The following CYTIP variants were observed in gnomAD, a reference collection of about 807,000 sequenced individuals.
CYTIP encodes cytohesin 1 interacting protein, also known as cytohesin-interacting protein.
In CYTIP, 26 loss-of-function variants were observed where a neutral mutation model predicts 43.8. The observed-to-expected ratio is 0.59, with a 90% CI of 0.44 to 0.82. The LOEUF (loss-of-function observed/expected upper bound fraction) is 0.82, where lower values mean the gene tolerates loss of function less well. Among genes scored for constraint, CYTIP ranks in the 40% least tolerant of loss-of-function variants. The probability of loss-of-function intolerance (pLI) is 0.00; values close to 1 mark genes in which losing one functional copy is unlikely to be tolerated. For missense variants in CYTIP, 426 were observed against 443.1 expected, an observed-to-expected ratio of 0.96 and a Z score of 0.35; for synonymous variants, 162 against 162.9, an observed-to-expected ratio of 0.99 and a Z score of 0.04.
chr2:157,424,992 G>GA (rs905575819), intron 6 of CYTIP, among the ~76,000 whole-genome samples: 26 of 151,910 alleles, frequency 1.7e-4, no homozygotes, highest in South Asian at 1.0e-3. Flanking sequence ...TATTCATATG[G>GA]AAAAAAATTA....
chr2:157,415,650 G>A lies in CYTIP; in HGVS notation c.*27C>T, dbSNP rs1685427582. On this transcript the variant is annotated 3_prime_UTR_variant, in exon 8 of 8. Coordinates refer to ENST00000264192, the MANE Select transcript of CYTIP (RefSeq NM_004288.5). ...GAGTCTAGAGATATTTGTGAAATAA[G>A]CTAATTTGAAAGGACACCACAATCC... The A allele has an allele frequency of 3.4e-6, 5 of 1,486,814 alleles. No individual in the cohort carries two copies. The highest frequency in any genetic ancestry group is 1.8e-4 in the Middle Eastern group (1 of 5,632). The allele number at this position is 1,486,814 out of a possible 1,614,324, so 92.1% of individuals were successfully genotyped here.
chr2:157,427,281 A>G (rs1310432045), intron 6 of CYTIP, 70 bp downstream of exon 6: 6 of 1,313,626 alleles, frequency 4.6e-6, no homozygotes, highest in Non-Finnish European at 6.4e-6. Context: ...AGTTCCTCAA[A>G]TAGATCTTTA....
At chr2:157,433,458 CT>C (rs1685745609) in intron 3 of CYTIP, among the ~76,000 whole-genome samples, 2 of 152,132 alleles carry the variant, frequency 1.3e-5, no homozygotes, top group Non-Finnish European at 2.9e-5. Flanking sequence ...AAAATAAACA[CT>C]GACTTTCCAA....
intron 3 of CYTIP, 69 bp from the exon 4 acceptor site, chr2:157,431,031 T>C (rs559514315): frequency 8.0e-7 from 1 of 1,245,018 alleles, no homozygotes; most frequent in South Asian, 1.4e-5. Context: ...AAATTTAAAA[T>C]GATGTCAATT....
chr2:157,443,768 A>T, intron 1 of CYTIP, 79 bp downstream of exon 1: 1 of 1,419,002 alleles, frequency 7.0e-7, no homozygotes, highest in Non-Finnish European at 9.6e-7. Context: ...TATCACCATT[A>T]GTATGAAGTC....
intron 1 of CYTIP, among the ~76,000 whole-genome samples, chr2:157,442,734 C>T (rs888661595): frequency 1.3e-5 from 2 of 152,220 alleles, no homozygotes; most frequent in Admixed American, 6.5e-5. Context: ...TATCTTCACT[C>T]CGAAAAATAC....
At chr2:157,443,074 G>A (rs1484062324) in intron 1 of CYTIP, among the ~76,000 whole-genome samples, 1 of 152,078 alleles carries the variant, frequency 6.6e-6, no homozygotes, top group East Asian at 1.9e-4. Context: ...TTCCAAATGA[G>A]TTTTCATCCC....
intron 1 of CYTIP, among the ~76,000 whole-genome samples, chr2:157,441,956 G>A (rs1281975586): frequency 6.6e-6 from 1 of 152,086 alleles, no homozygotes; most frequent in Admixed American, 6.5e-5. Flanking sequence ...CTTTTTCAGG[G>A]GAAGTTGTCC....
chr2:157,419,073 C>A (rs1327887619), intron 6 of CYTIP, among the ~76,000 whole-genome samples: 1 of 152,040 alleles, frequency 6.6e-6, no homozygotes, highest in African/African-American at 2.4e-5. Flanking sequence ...ACATACAAGC[C>A]CAAAGACCTC....
intron 6 of CYTIP, 82 bp from the exon 7 acceptor site, chr2:157,418,671 G>A: frequency 7.7e-7 from 1 of 1,296,650 alleles, no homozygotes; most frequent in East Asian, 2.5e-5. Flanking sequence ...TAGGTGTTGA[G>A]ATTTGTCATT....
chr2:157,425,199 C>T (rs1685583816), intron 6 of CYTIP, among the ~76,000 whole-genome samples: 1 of 152,020 alleles, frequency 6.6e-6, no homozygotes, highest in Non-Finnish European at 1.5e-5. Flanking sequence ...AGCTAAACAC[C>T]TACTTAGAAT....
Position 157,417,167 on chromosome 2 carries a change from T to G in CYTIP, c.614-1024A>C, listed in dbSNP as rs1685450394. The stretch of plus-strand genomic sequence containing the variant: ...TGACAATATAAAAAGAAACTGTTCT[T>G]TCAGATGATTTGCAAGGTTGAGTAC... On this transcript the variant is annotated intron_variant, in intron 7 of 7. Coordinates refer to ENST00000264192, the MANE Select transcript of CYTIP (RefSeq NM_004288.5). Among the ~76,000 whole-genome samples the G allele has an allele frequency of 2.0e-5, 3 of 152,214 alleles. 1 individual carries two copies. In the South Asian group the frequency reaches 6.2e-4, roughly 31 times the overall value.
intron 6 of CYTIP, among the ~76,000 whole-genome samples, chr2:157,420,688 G>T (rs1685509619): frequency 1.4e-5 from 2 of 140,920 alleles, no homozygotes; most frequent in South Asian, 4.4e-4. Context: ...GGACTGCTAT[G>T]CTGCCTTATT....
At chr2:157,434,612 A>AGG in intron 2 of CYTIP, 86 bp downstream of exon 2, 1 of 985,818 alleles carries the variant, frequency 1.0e-6, no homozygotes, top group Middle Eastern at 3.0e-4. Context: ...AGAGAGAGAG[A>AGG]GAGAGGAAGA....
chr2:157,434,331 T>C (rs768366791), intron 3 of CYTIP, 39 bp downstream of exon 3: 1 of 1,541,884 alleles, frequency 6.5e-7, no homozygotes. Flanking sequence ...CGGTGCCACT[T>C]TCTTCCTTGG....
At chr2:157,429,134 G>C (rs1038061987) in intron 5 of CYTIP, among the ~76,000 whole-genome samples, 1 of 152,160 alleles carries the variant, frequency 6.6e-6, no homozygotes, top group Non-Finnish European at 1.5e-5. Flanking sequence ...AAACTTGTTG[G>C]CATGTCCAAA....
At chr2:157,428,199 A>G (rs1224639853) in intron 5 of CYTIP, among the ~76,000 whole-genome samples, 1 of 152,222 alleles carries the variant, frequency 6.6e-6, no homozygotes, top group Non-Finnish European at 1.5e-5. Context: ...CTACTAAACC[A>G]TCAATCTGAA....
At chr2:157,436,398 T>C (rs1035171101) in intron 1 of CYTIP, among the ~76,000 whole-genome samples, 1 of 152,196 alleles carries the variant, frequency 6.6e-6, no homozygotes, top group African/African-American at 2.4e-5. Flanking sequence ...ATTTTCTTAA[T>C]CTATTTTTAT....
intron 7 of CYTIP, among the ~76,000 whole-genome samples, chr2:157,417,697 A>T (rs73968435): frequency 0.026 from 3,638 of 139,318 alleles, 139 homozygotes; most frequent in African/African-American, 0.097. Flanking sequence ...ACTTCAATTT[A>T]AAAAAAAAAA....
Sources: gnomAD v4.1 joint callset for allele counts (sites outside exome capture counted in the v4.1 genomes callset) on GRCh38, gnomAD v4.1.1 for gene constraint, MANE v1.5 for transcripts, NCBI Gene and HGNC (gene_info 2026-07-23, HGNC 2026-07-21) for gene names.